Variants in KCNU1 observed in about 807,000 individuals in gnomAD.
The protein encoded by KCNU1 is potassium channel subfamily U member 1.
A neutral mutation model predicts 126.8 loss-of-function variants in KCNU1; 93 were observed. The observed-to-expected ratio is 0.73, with a 90% CI of 0.62 to 0.87. KCNU1 has a LOEUF of 0.87. Ranked by LOEUF, KCNU1 falls within the 40% of genes least tolerant of loss-of-function variation. The pLI is 0.00. For synonymous variants in KCNU1, 523 were observed against 494.2 expected, an observed-to-expected ratio of 1.06 and a Z score of -0.77; for missense variants, 1,330 against 1,367.1, an observed-to-expected ratio of 0.97 and a Z score of 0.43.
chr8:36,835,895 A>C (rs987226856), intron 12 of KCNU1, among the ~76,000 whole-genome samples: 1 of 152,216 alleles, frequency 6.6e-6, no homozygotes, highest in African/African-American at 2.4e-5. Flanking sequence ...TAGTTTCTTA[A>C]TTTGTAAAAT....
intron 16 of KCNU1, 79 bp downstream of exon 16, chr8:36,841,082 T>G: frequency 9.9e-7 from 1 of 1,012,932 alleles, no homozygotes; most frequent in South Asian, 1.5e-5. Flanking sequence ...TGATTAAGAA[T>G]TTTTCCAAAG....
intron 24 of KCNU1, 104 bp downstream of exon 24, chr8:36,922,733 T>G: frequency 8.3e-7 from 1 of 1,200,704 alleles, no homozygotes; most frequent in South Asian, 1.6e-5. Context: ...AGTTCTAAGT[T>G]CTCTTTGATT....
At chr8:36,796,850 C>T (rs917498777) in intron 2 of KCNU1, among the ~76,000 whole-genome samples, 1 of 151,886 alleles carries the variant, frequency 6.6e-6, no homozygotes, top group African/African-American at 2.4e-5. Context: ...TTTAATTTGC[C>T]AGGAGAATGT....
chr8:36,795,647 G>A (rs940706346), intron 2 of KCNU1: 1 of 152,404 alleles, frequency 6.6e-6, no homozygotes, highest in Admixed American at 6.5e-5. Flanking sequence ...TCTGTGTCCT[G>A]AAGGATCTGG....
intron 2 of KCNU1, among the ~76,000 whole-genome samples, chr8:36,789,345 C>G (rs1175336753): frequency 6.6e-6 from 1 of 151,442 alleles, no homozygotes; most frequent in Non-Finnish European, 1.5e-5. Flanking sequence ...GCCTAGGCGA[C>G]AGAGAGAGAC....
At chr8:36,869,122 A>C (rs1261676940) in intron 19 of KCNU1, among the ~76,000 whole-genome samples, 1 of 152,172 alleles carries the variant, frequency 6.6e-6, no homozygotes, top group Non-Finnish European at 1.5e-5. Flanking sequence ...GATTTGTATG[A>C]TGTTGTGACT....
At chr8:36,869,397 A>G (rs1293207380) in intron 19 of KCNU1, among the ~76,000 whole-genome samples, 1 of 152,164 alleles carries the variant, frequency 6.6e-6, no homozygotes, top group Non-Finnish European at 1.5e-5. Context: ...ACTTTTCCAT[A>G]TAACATCCTT....
chr8:36,919,910 C>G (rs1185539371), intron 23 of KCNU1, among the ~76,000 whole-genome samples: 1 of 152,170 alleles, frequency 6.6e-6, no homozygotes, highest in East Asian at 1.9e-4. Flanking sequence ...GCCACTTGAG[C>G]TGGGAGTGAC....
chr8:36,891,860 T>TTGCTTTTTACTTGC (rs373745494), intron 19 of KCNU1, among the ~76,000 whole-genome samples: 2 of 152,204 alleles, frequency 1.3e-5, no homozygotes, highest in African/African-American at 4.8e-5. Context: ...AGATGCTGAG[T>TTGCTTTTTACTTGC]TGCTTTTTAC....
At chr8:36,859,333 A>G (rs1805645179) in intron 18 of KCNU1, among the ~76,000 whole-genome samples, 1 of 152,196 alleles carries the variant, frequency 6.6e-6, no homozygotes, top group Non-Finnish European at 1.5e-5. Flanking sequence ...ATCAGGTTGA[A>G]TATTTTATGG....
chr8:36,864,339 G>A, intron 18 of KCNU1, 65 bp from the exon 19 acceptor site: 2 of 1,015,700 alleles, frequency 2.0e-6, no homozygotes, highest in Non-Finnish European at 3.1e-6. Context: ...TCAGCCAAGG[G>A]GAATATTCCA....
intron 23 of KCNU1, among the ~76,000 whole-genome samples, chr8:36,920,537 T>A (rs1417035768): frequency 1.4e-5 from 2 of 144,592 alleles, no homozygotes; most frequent in Admixed American, 6.8e-5. Flanking sequence ...ACCTGCCAGC[T>A]TGTCCAGGTT....
rs1422043480 is a variant in KCNU1 at position 36,805,230 on chromosome 8, C to G, written c.413C>G (p.Thr138Ser). The G allele has an allele frequency of 6.2e-7, 1 of 1,610,836 alleles. No individual in the cohort carries two copies. Among genetic ancestry groups the G allele is most frequent in the South Asian group, 1.1e-5 (1 of 90,558 alleles). ...AGCTGTTCATCATATGAAGACAAAACCATTCCTATTGATTTGGTTTTCAAT... is the reference window on the plus strand; with the variant it reads ...AGCTGTTCATCATATGAAGACAAAAGCATTCCTATTGATTTGGTTTTCAAT... Reference protein sequence around the residue: ...VGSCSSYEDKTIPIDLVFNAF... With the variant: ...VGSCSSYEDKSIPIDLVFNAF... Residue 138 changes from threonine to serine, a missense_variant, in exon 4 of 27, where the codon ACC (threonine) becomes AGC (serine). Physicochemically the swap from Thr to Ser is moderately conservative, Grantham distance 58. Around this residue, in one of 3 missense-constraint regions of KCNU1, gnomAD observed 247 missense variants for 255.4 expected, o/e 0.97. Transcript: ENST00000399881.
chr8:36,792,657 T>C (rs1358254572), intron 2 of KCNU1, among the ~76,000 whole-genome samples: 1 of 152,176 alleles, frequency 6.6e-6, no homozygotes, highest in African/African-American at 2.4e-5. Context: ...AACTGACACA[T>C]ATCTCATAGA....
intron 19 of KCNU1, among the ~76,000 whole-genome samples, chr8:36,878,468 T>C (rs1205998673): frequency 1.3e-5 from 2 of 152,170 alleles, no homozygotes; most frequent in African/African-American, 2.4e-5. Flanking sequence ...GCTGAAGTCA[T>C]ATCCCTGCTC....
At position 36,888,122 on chromosome 8, in the gene KCNU1, A is replaced by G. The variant is rs1459520800; in HGVS notation, c.2010-17586A>G. ...ATTTTATAGAGGAGAAAAACCAAGTAACAGAAACAAACTAAGAGATGATGC... is the reference window on the plus strand; with the variant it reads ...ATTTTATAGAGGAGAAAAACCAAGTGACAGAAACAAACTAAGAGATGATGC... On this transcript the variant is annotated intron_variant, in intron 19 of 26. Transcript: ENST00000399881. Among the ~76,000 whole-genome samples the G allele has an allele frequency of 4.6e-5, 7 of 152,252 alleles. No homozygotes were observed. In the East Asian group the frequency reaches 1.2e-3, roughly 25 times the overall value.
At chr8:36,808,420 C>T (rs1214981707) in intron 6 of KCNU1, among the ~76,000 whole-genome samples, 2 of 151,970 alleles carry the variant, frequency 1.3e-5, no homozygotes, top group Non-Finnish European at 2.9e-5. Flanking sequence ...TGATATGAGG[C>T]TAGTGGATAT....
intron 24 of KCNU1, among the ~76,000 whole-genome samples, chr8:36,924,414 C>G (rs1191576234): frequency 1.3e-5 from 2 of 152,206 alleles, no homozygotes; most frequent in Admixed American, 1.3e-4. Flanking sequence ...TATCCACTCC[C>G]TCCCTGACAT....
intron 19 of KCNU1, among the ~76,000 whole-genome samples, chr8:36,886,942 T>A (rs187812074): frequency 3.9e-5 from 6 of 152,328 alleles, no homozygotes; most frequent in Non-Finnish European, 7.4e-5. Flanking sequence ...AATAATGGAC[T>A]CTACTTTCAT....
Sources: allele counts gnomAD v4.1 joint callset (sites outside exome capture counted in the v4.1 genomes callset), GRCh38; gene constraint gnomAD v4.1.1; regional missense constraint gnomAD v4.1.1; transcripts MANE v1.5; gene names NCBI Gene and HGNC (gene_info 2026-07-23, HGNC 2026-07-21).